Variants in PCNX1 observed in about 807,000 individuals in gnomAD.
PCNX1 encodes the protein pecanex-like protein 1.
In PCNX1, 78 loss-of-function variants were observed where a neutral mutation model predicts 242.2. That is an observed-to-expected ratio of 0.32 (90% CI 0.27 to 0.39). The LOEUF (loss-of-function observed/expected upper bound fraction) is 0.39. Ranked by LOEUF, PCNX1 falls within the 10% of genes least tolerant of loss-of-function variation. PCNX1 has a pLI of 1.00. For missense variants in PCNX1, 2,581 were observed against 2,856.5 expected, an observed-to-expected ratio of 0.90 and a Z score of 2.20; for synonymous variants, 1,024 against 1,032.9, an observed-to-expected ratio of 0.99 and a Z score of 0.17.
Position 71,015,106 on chromosome 14 carries a change from C to G in PCNX1, c.2996+1904C>G, listed in dbSNP as rs367740110. ...TACAATTCTATACATAGCAAAAATA[C>G]CTTTTAAAAACCAAAGTGAAATAAA... On this transcript the variant is annotated intron_variant, in intron 11 of 35. Coordinates refer to ENST00000304743, the MANE Select transcript of PCNX1 (RefSeq NM_014982.3). 6.2e-4 allele frequency among the ~76,000 whole-genome samples: 95 copies of G among 152,066 alleles called. 1 individual carries two copies. In the South Asian group the frequency reaches 0.011, roughly 18 times the overall value.
intron 1 of PCNX1, among the ~76,000 whole-genome samples, chr14:70,934,668 A>G (rs1051225153): frequency 8.5e-5 from 13 of 152,238 alleles, no homozygotes; most frequent in Admixed American, 6.5e-4. Flanking sequence ...AGGAAGTTCC[A>G]AACTTTCCCA....
chr14:71,105,773 C>T (rs2062597522), intron 33 of PCNX1, among the ~76,000 whole-genome samples: 1 of 151,724 alleles, frequency 6.6e-6, no homozygotes, highest in Non-Finnish European at 1.5e-5. Flanking sequence ...CATCTCCTGA[C>T]CTCATGATCT....
At position 70,977,843 on chromosome 14, in the gene PCNX1, A is replaced by G; in HGVS notation, c.1506A>G (p.Gln502=). The change falls in exon 6 of 36, where the codon CAA becomes CAG. Residue 502 remains glutamine (Q), a synonymous_variant. Transcript: ENST00000304743. Reference sequence around the variant, plus strand: ...CCCATGCAAATGAATTTACTTCCCAAGGGGACAGACCACCTGGGAACACTG... The same window carrying G: ...CCCATGCAAATGAATTTACTTCCCAGGGGGACAGACCACCTGGGAACACTG... The part of the protein sequence containing the change: ...KNPHANEFTS[Q]GDRPPGNTAE... 7 of 1,614,108 alleles carry G rather than the reference A, an allele frequency of 4.3e-6. No homozygotes were observed. The highest frequency in any genetic ancestry group is 5.9e-6 in the Non-Finnish European group (7 of 1,179,950).
chr14:70,953,628 G>A (rs1483621415), intron 2 of PCNX1, among the ~76,000 whole-genome samples: 1 of 133,734 alleles, frequency 7.5e-6, no homozygotes, highest in Non-Finnish European at 1.6e-5. Context: ...CCACTTTTTA[G>A]TAATCAGGTT....
chr14:71,033,527 A>G lies in PCNX1; in HGVS notation c.3657A>G (p.Pro1219=), dbSNP rs1390485000. 1 of 1,560,562 alleles carries G rather than the reference A, an allele frequency of 6.4e-7. No individual in the cohort carries two copies. Among genetic ancestry groups the G allele is most frequent in the Non-Finnish European group, 8.8e-7 (1 of 1,134,810 alleles). The change falls in exon 17 of 36, where the codon CCA becomes CCG. Residue 1219 remains proline, a synonymous_variant. Coordinates refer to ENST00000304743, the MANE Select transcript of PCNX1 (RefSeq NM_014982.3). The part of the protein sequence containing the change: ...SYHLSRQSSD[P]SVLFSLVQSK... ...ATCTCAGCCGACAAAGCAGTGATCC[A>G]TCTGTACTTTTGTAAGTGAACTCAA...
chr14:71,105,553 ATTTTT>A (rs59011941), intron 33 of PCNX1, 113 bp downstream of exon 33: 1 of 552,978 alleles, frequency 1.8e-6, no homozygotes, highest in Non-Finnish European at 2.9e-6. Context: ...CAGAAATAGA[ATTTTT>A]TTTTTTTTTT....
chr14:71,010,328 A>T (rs7146932), intron 9 of PCNX1, among the ~76,000 whole-genome samples: 1 of 151,938 alleles, frequency 6.6e-6, no homozygotes, highest in East Asian at 1.9e-4. Flanking sequence ...AAGTTCTTAC[A>T]TAACTAAGTT....
chr14:71,079,157 T>C (rs1020409370), intron 28 of PCNX1, among the ~76,000 whole-genome samples: 9 of 152,248 alleles, frequency 5.9e-5, no homozygotes, highest in Non-Finnish European at 1.3e-4. Context: ...GCTTCATCCA[T>C]GTCCCTGCAA....
intron 24 of PCNX1, among the ~76,000 whole-genome samples, chr14:71,055,145 C>T (rs748147622): frequency 6.6e-6 from 1 of 152,184 alleles, no homozygotes. Context: ...AATACATACA[C>T]CTTCCTTTGG....
chr14:70,951,182 T>G (rs965525765), intron 2 of PCNX1, among the ~76,000 whole-genome samples: 2 of 151,764 alleles, frequency 1.3e-5, no homozygotes, highest in South Asian at 4.1e-4. Flanking sequence ...TTAGATGCTT[T>G]CTTTTTCATG....
At chr14:70,913,129 C>T (rs2055999195) in intron 1 of PCNX1, among the ~76,000 whole-genome samples, 1 of 152,154 alleles carries the variant, frequency 6.6e-6, no homozygotes, top group African/African-American at 2.4e-5. Flanking sequence ...TTGTAAGTTC[C>T]ATGAGGGCAG....
At chr14:71,079,825 TG>T (rs373776288) in intron 28 of PCNX1, among the ~76,000 whole-genome samples, 1 of 152,232 alleles carries the variant, frequency 6.6e-6, no homozygotes, top group African/African-American at 2.4e-5. Context: ...GTAGGTTGCC[TG>T]TTCACTCTGA....
chr14:71,055,169 A>C (rs914650667), intron 24 of PCNX1, among the ~76,000 whole-genome samples: 11 of 152,190 alleles, frequency 7.2e-5, no homozygotes, highest in African/African-American at 2.7e-4. Context: ...AGAATGTTCT[A>C]ACCTCTTTGA....
At position 71,110,080 on chromosome 14, in the gene PCNX1, C is replaced by T. The variant is rs2141917557; in HGVS notation, c.*145C>T. The T allele has an allele frequency of 1.3e-6, 1 of 753,632 alleles. No individual in the cohort carries two copies. The highest frequency in any genetic ancestry group is 2.3e-6 in the Non-Finnish European group (1 of 426,406). 46.7% of individuals were successfully genotyped at this position (753,632 alleles called of 1,614,324 possible). A position where few individuals can be genotyped will look rare whatever the true frequency, so the allele number is the denominator to read the frequency against. ...AAATAGAATGAGCTTGGTTAAGCAC[C>T]TCTCCTTTGCCCTTCACCCTGACTC... On this transcript the variant is annotated 3_prime_UTR_variant, in exon 36 of 36. Coordinates refer to ENST00000304743, the MANE Select transcript of PCNX1 (RefSeq NM_014982.3).
Position 70,978,316 on chromosome 14 carries a change from A to G in PCNX1, c.1979A>G (p.His660Arg), listed in dbSNP as rs765145987. The G allele has an allele frequency of 5.6e-6, 9 of 1,614,084 alleles. No homozygotes were observed. Among genetic ancestry groups the G allele is most frequent in the Admixed American group, 3.3e-5 (2 of 60,000 alleles). Residue 660 changes from histidine to arginine, a missense_variant, in exon 6 of 36, where the codon CAC (histidine) becomes CGC (arginine). His to Arg is a conservative substitution (Grantham distance 29). Around this residue, in one of 9 missense-constraint regions of PCNX1, gnomAD observed 1,204 missense variants for 1,216.7 expected, o/e 0.99. Transcript: ENST00000304743. The part of the protein sequence containing the change: ...KERGTDSEHT[H>R]KAHLVPEGTS... ...AGGGGCACAGACTCTGAACACACACACAAAGCTCATTTGGTTCCTGAAGGA... is the reference window on the plus strand; with the variant it reads ...AGGGGCACAGACTCTGAACACACACGCAAAGCTCATTTGGTTCCTGAAGGA...
At position 71,108,814 on chromosome 14, in the gene PCNX1, T is replaced by C. The variant is rs770170609; in HGVS notation, c.6512T>C (p.Met2171Thr). Residue 2171 changes from methionine (M) to threonine (T), a missense_variant, in exon 34 of 36, where the codon ATG becomes ACG. By Grantham distance (81) the Met-to-Thr change is moderately conservative. Coordinates refer to ENST00000304743, the MANE Select transcript of PCNX1 (RefSeq NM_014982.3). Reference sequence around the variant, plus strand: ...TCATCCATCCAATCCCGACTGTCGATGGTGAACCAAATGGAACCCTCAGGT... The same window carrying C: ...TCATCCATCCAATCCCGACTGTCGACGGTGAACCAAATGGAACCCTCAGGT... ...LPSSIQSRLS[M>T]VNQMEPSGQS... is the part of the protein sequence containing the mutation. 14 of 1,614,246 alleles carry C rather than the reference T, an allele frequency of 8.7e-6. No homozygotes were observed. The highest frequency in any genetic ancestry group is 1.2e-5 in the Non-Finnish European group (14 of 1,180,028).
At chr14:70,934,578 C>T (rs187724414) in intron 1 of PCNX1, among the ~76,000 whole-genome samples, 86 of 152,250 alleles carry the variant, frequency 5.6e-4, no homozygotes, top group Non-Finnish European at 1.1e-3. Flanking sequence ...CCACTGGGTA[C>T]AGACATTTTA....
intron 6 of PCNX1, among the ~76,000 whole-genome samples, chr14:70,988,064 G>T (rs755543633): frequency 1.2e-4 from 18 of 152,296 alleles, no homozygotes; most frequent in Admixed American, 2.6e-4. Flanking sequence ...CCAAAATTAT[G>T]GCACAGGGTA....
intron 26 of PCNX1, among the ~76,000 whole-genome samples, chr14:71,059,960 ATC>A (rs2061283096): frequency 6.6e-6 from 1 of 152,108 alleles, no homozygotes; most frequent in Admixed American, 6.6e-5. Flanking sequence ...AGTGCCAGCC[ATC>A]TCTCTTTCTC....
Sources: gnomAD v4.1 joint callset for allele counts (sites outside exome capture counted in the v4.1 genomes callset) on GRCh38, gnomAD v4.1.1 for gene constraint, gnomAD v4.1.1 regional missense constraint, MANE v1.5 for transcripts, NCBI Gene and HGNC (gene_info 2026-07-23, HGNC 2026-07-21) for gene names.